Variants in GRIN2A observed in about 807,000 individuals in gnomAD.
GRIN2A encodes the protein glutamate ionotropic receptor NMDA type subunit 2A.
GRIN2A carries 22 observed loss-of-function variants against 113.4 expected under a neutral mutation model. The observed-to-expected ratio is 0.19, with a 90% CI of 0.14 to 0.28. GRIN2A has a LOEUF of 0.28. GRIN2A is among the 10% of genes least tolerant of loss of function. The pLI is 1.00. For synonymous variants in GRIN2A, 827 were observed against 738.4 expected, an observed-to-expected ratio of 1.12 and a Z score of -1.94; for missense variants, 1,502 against 1,887.0, an observed-to-expected ratio of 0.80 and a Z score of 3.78.
At chr16:10,149,735 C>A (rs972371664) in intron 2 of GRIN2A, among the ~76,000 whole-genome samples, 1 of 152,202 alleles carries the variant, frequency 6.6e-6, no homozygotes, top group Non-Finnish European at 1.5e-5. Flanking sequence ...CTGGTGCCCC[C>A]TATCCCCTCC....
chr16:9,988,542 A>ATC (rs140580698), intron 2 of GRIN2A, among the ~76,000 whole-genome samples: 22,834 of 148,718 alleles, frequency 0.15, 1,975 homozygotes, highest in East Asian at 0.36. Flanking sequence ...GTACCAATTA[A>ATC]TCTCTCTCTC....
chr16:10,137,417 T>G (rs1193968006), intron 2 of GRIN2A, among the ~76,000 whole-genome samples: 1 of 152,204 alleles, frequency 6.6e-6, no homozygotes, highest in Non-Finnish European at 1.5e-5. Flanking sequence ...TCCATCTTAG[T>G]TTGAGCCATA....
At chr16:10,066,248 C>T (rs1353941253) in intron 2 of GRIN2A, among the ~76,000 whole-genome samples, 1 of 152,200 alleles carries the variant, frequency 6.6e-6, no homozygotes, top group African/African-American at 2.4e-5. Flanking sequence ...ACTTCTGCTA[C>T]ACTGCACATC....
intron 2 of GRIN2A, among the ~76,000 whole-genome samples, chr16:9,965,576 T>C (rs576670075): frequency 5.7e-4 from 86 of 152,196 alleles, no homozygotes; most frequent in Non-Finnish European, 1.0e-3. Flanking sequence ...CTTGAAGAGA[T>C]GGCAGGCTCC....
At chr16:10,162,233 C>T (rs944109420) in intron 2 of GRIN2A, among the ~76,000 whole-genome samples, 2 of 152,112 alleles carry the variant, frequency 1.3e-5, no homozygotes, top group African/African-American at 4.8e-5. Context: ...AGAAAGGGAG[C>T]CCACATGAGA....
intron 2 of GRIN2A, among the ~76,000 whole-genome samples, chr16:10,074,214 G>A (rs1275150990): frequency 6.6e-6 from 1 of 152,194 alleles, no homozygotes; most frequent in Non-Finnish European, 1.5e-5. Context: ...AAATTCAGAA[G>A]AATGGAAATA....
intron 2 of GRIN2A, among the ~76,000 whole-genome samples, chr16:9,984,134 C>A (rs2045939628): frequency 6.6e-6 from 1 of 152,140 alleles, no homozygotes; most frequent in Admixed American, 6.5e-5. Flanking sequence ...GCATTTTCCT[C>A]ATGATTAGTG....
chr16:10,122,873 A>G (rs1400870315), intron 2 of GRIN2A, among the ~76,000 whole-genome samples: 1 of 152,168 alleles, frequency 6.6e-6, no homozygotes, highest in Non-Finnish European at 1.5e-5. Context: ...GACATACATC[A>G]TTGGTAAAGC....
chr16:10,144,330 T>A (rs1414347178), intron 2 of GRIN2A, among the ~76,000 whole-genome samples: 1 of 152,214 alleles, frequency 6.6e-6, no homozygotes, highest in Non-Finnish European at 1.5e-5. Flanking sequence ...CTTTGGTCAT[T>A]TTTATAATAG....
At chr16:10,130,286 C>A (rs1466911710) in intron 2 of GRIN2A, among the ~76,000 whole-genome samples, 1 of 152,196 alleles carries the variant, frequency 6.6e-6, no homozygotes, top group East Asian at 1.9e-4. Context: ...AGGGGAAAAT[C>A]AAATCAGTAA....
intron 4 of GRIN2A, among the ~76,000 whole-genome samples, chr16:9,876,833 A>C (rs188455980): frequency 6.6e-6 from 1 of 152,298 alleles, no homozygotes; most frequent in East Asian, 1.9e-4. Context: ...TCTTTGGATG[A>C]CTAGCTGGGT....
intron 2 of GRIN2A, among the ~76,000 whole-genome samples, chr16:10,165,214 A>G (rs1311716386): frequency 1.3e-5 from 2 of 152,164 alleles, no homozygotes; most frequent in African/African-American, 4.8e-5. Flanking sequence ...GAAGATAAAA[A>G]TGTTTACAAG....
chr16:10,008,820 C>A (rs1449906600), intron 2 of GRIN2A, among the ~76,000 whole-genome samples: 1 of 152,142 alleles, frequency 6.6e-6, no homozygotes, highest in Non-Finnish European at 1.5e-5. Context: ...CAGGTACCAA[C>A]AAATAATAAT....
rs2141129262 is a variant in GRIN2A, at chr16:9,763,719, A to G, written c.3825T>C (p.Asn1275=). Residue 1275 remains asparagine, a synonymous_variant, in exon 13 of 13, where the codon AAT becomes AAC. Transcript: ENST00000330684. ...GCTTGTTCTTTTGTAATTGAAGGGC[A>G]TTGTTCTGTGCCCAGTCCTGCTGGT... ...QVYQQDWAQN[N]ALQLQKNKLR... 1.2e-6 allele frequency: 2 copies of G among 1,614,048 alleles called. No individual in the cohort carries two copies. The highest frequency in any genetic ancestry group is 1.1e-5 in the South Asian group (1 of 91,072).
intron 2 of GRIN2A, among the ~76,000 whole-genome samples, chr16:10,023,440 G>C (rs1364013020): frequency 6.6e-6 from 1 of 152,182 alleles, no homozygotes; most frequent in African/African-American, 2.4e-5. Context: ...TTATATGTGA[G>C]AAAACTAAGG....
At chr16:9,788,869 A>G (rs1902415432) in intron 11 of GRIN2A, among the ~76,000 whole-genome samples, 1 of 151,400 alleles carries the variant, frequency 6.6e-6, no homozygotes, top group Non-Finnish European at 1.5e-5. Flanking sequence ...CAGCCTCCTG[A>G]GTAGCTGGGA....
At chr16:10,017,973 G>T (rs2046642054) in intron 2 of GRIN2A, among the ~76,000 whole-genome samples, 1 of 152,084 alleles carries the variant, frequency 6.6e-6, no homozygotes, top group Non-Finnish European at 1.5e-5. Flanking sequence ...GCACTGAAAT[G>T]GTATTTACCT....
intron 2 of GRIN2A, among the ~76,000 whole-genome samples, chr16:9,968,778 T>A (rs1311495363): frequency 2.6e-5 from 4 of 152,120 alleles, no homozygotes; most frequent in African/African-American, 4.8e-5. Context: ...CAGCTAATTT[T>A]GTAATTTTAG....
At chr16:9,862,396 A>C (rs2043085658) in intron 4 of GRIN2A, among the ~76,000 whole-genome samples, 1 of 152,194 alleles carries the variant, frequency 6.6e-6, no homozygotes, top group Non-Finnish European at 1.5e-5. Context: ...ACTGTCTTAG[A>C]ACCCAGTACT....
Sources: allele counts gnomAD v4.1 joint callset (sites outside exome capture counted in the v4.1 genomes callset), GRCh38; gene constraint gnomAD v4.1.1; transcripts MANE v1.5; gene names NCBI Gene and HGNC (gene_info 2026-07-23, HGNC 2026-07-21).